Variants in RBFOX1 observed in about 807,000 individuals in gnomAD.
The protein encoded by RBFOX1 is RNA binding protein fox-1 homolog 1.
Under a neutral mutation model 57.7 loss-of-function variants are expected in RBFOX1, and 8 were observed. The ratio of observed to expected loss-of-function variants is 0.14; its 90% CI spans 0.08 to 0.25. The LOEUF (loss-of-function observed/expected upper bound fraction) is 0.25. Among genes scored for constraint, RBFOX1 ranks in the 10% least tolerant of loss-of-function variants. RBFOX1 has a pLI of 1.00. For missense variants in RBFOX1, 611 were observed against 548.5 expected, an observed-to-expected ratio of 1.11 and a Z score of -1.14; for synonymous variants, 326 against 222.4, an observed-to-expected ratio of 1.47 and a Z score of -4.15.
chr16:7,466,560 AG>A (rs2060563575), intron 4 of RBFOX1, among the ~76,000 whole-genome samples: 4 of 152,248 alleles, frequency 2.6e-5, no homozygotes, highest in African/African-American at 7.2e-5. Context: ...GAGCCTCCCC[AG>A]GAAGACAGGG....
intron 1 of RBFOX1, among the ~76,000 whole-genome samples, chr16:6,272,681 A>G (rs2075334956): frequency 6.6e-6 from 1 of 152,218 alleles, no homozygotes; most frequent in South Asian, 2.1e-4. Flanking sequence ...GTTCAAAAAC[A>G]AAACTTCTTA....
intron 12 of RBFOX1, among the ~76,000 whole-genome samples, chr16:7,658,017 T>C (rs533268368): frequency 1.9e-4 from 29 of 152,332 alleles, no homozygotes; most frequent in African/African-American, 6.7e-4. Context: ...AGACACAGTT[T>C]GCTTAAGCGA....
chr16:6,169,320 C>T (rs562078109), intron 1 of RBFOX1, among the ~76,000 whole-genome samples: 5 of 151,852 alleles, frequency 3.3e-5, no homozygotes, highest in East Asian at 3.9e-4. Context: ...TTTGTTATCA[C>T]GTTGGGGAAA....
intron 3 of RBFOX1, among the ~76,000 whole-genome samples, chr16:6,781,668 G>C (rs576578085): frequency 1.3e-5 from 2 of 151,976 alleles, no homozygotes; most frequent in Admixed American, 6.5e-5. Flanking sequence ...TTTATGTCCA[G>C]GAATTTATCC....
At chr16:6,863,913 G>C (rs1184202519) in intron 3 of RBFOX1, among the ~76,000 whole-genome samples, 3 of 150,398 alleles carry the variant, frequency 2.0e-5, no homozygotes, top group African/African-American at 7.3e-5. Context: ...ATTGCCATTT[G>C]TTTCCTTCAC....
chr16:7,403,733 A>C (rs1376703842), intron 4 of RBFOX1, among the ~76,000 whole-genome samples: 2 of 151,948 alleles, frequency 1.3e-5, no homozygotes, highest in South Asian at 4.2e-4. Flanking sequence ...TTTAGTAGAG[A>C]CAGGGTTTCA....
At chr16:7,579,532 C>G (rs914428750) in intron 5 of RBFOX1, among the ~76,000 whole-genome samples, 1 of 152,168 alleles carries the variant, frequency 6.6e-6, no homozygotes, top group African/African-American at 2.4e-5. Context: ...GAGAATGATG[C>G]TCCCTGAGGG....
intron 4 of RBFOX1, among the ~76,000 whole-genome samples, chr16:7,235,843 G>T (rs533483552): frequency 6.6e-6 from 1 of 152,188 alleles, no homozygotes; most frequent in African/African-American, 2.4e-5. Context: ...AGTTTTTACA[G>T]TTGAAGGCTA....
In RBFOX1 at chr16:6,896,387, T is replaced by A. The variant is rs547663505; in HGVS notation, c.-15-155670T>A. ...AATAATATGTATGTCTTTTTCTTTC[T>A]TTTTTTCTTTAAACTCATCAACCAT... On this transcript the variant is annotated intron_variant, in intron 3 of 15. Coordinates refer to ENST00000550418, the MANE Select transcript of RBFOX1 (RefSeq NM_018723.4). 2.8e-3 allele frequency among the ~76,000 whole-genome samples: 433 copies of A among 152,290 alleles called. 1 individual carries two copies. The highest frequency in any genetic ancestry group is 0.014 in the Middle Eastern group (4 of 294).
chr16:5,989,059 G>A (rs750093723), intron 4 of RBFOX1, among the ~76,000 whole-genome samples: 89 of 151,832 alleles, frequency 5.9e-4, no homozygotes, highest in Middle Eastern at 3.4e-3. Context: ...GGTGGCTCAC[G>A]CCTGTAATCC....
chr16:5,897,152 C>T (rs1051016514), intron 4 of RBFOX1, among the ~76,000 whole-genome samples: 5 of 151,920 alleles, frequency 3.3e-5, no homozygotes, highest in African/African-American at 1.2e-4. Flanking sequence ...TCTCCCGCCT[C>T]AGCCTCCCCA....
chr16:5,559,155 C>T (rs140505817), intron 2 of RBFOX1, among the ~76,000 whole-genome samples: 12 of 121,862 alleles, frequency 9.8e-5, no homozygotes, highest in South Asian at 5.3e-4. Context: ...GCTAGGAGAA[C>T]CCCCCCAGGC....
At chr16:6,742,352 T>C (rs1032830811) in intron 3 of RBFOX1, among the ~76,000 whole-genome samples, 12 of 152,192 alleles carry the variant, frequency 7.9e-5, no homozygotes, top group African/African-American at 2.7e-4. Context: ...CAAGGACGCA[T>C]AGAAAGTGTG....
chr16:7,450,510 C>T (rs1032234626), intron 4 of RBFOX1, among the ~76,000 whole-genome samples: 6 of 151,124 alleles, frequency 4.0e-5, no homozygotes, highest in Non-Finnish European at 7.4e-5. Flanking sequence ...TTGAAGATAA[C>T]GGCCCCCGAC....
chr16:7,556,224 C>T (rs998159109), intron 5 of RBFOX1, among the ~76,000 whole-genome samples: 2 of 152,136 alleles, frequency 1.3e-5, no homozygotes, highest in Non-Finnish European at 2.9e-5. Flanking sequence ...CATGACGCAG[C>T]TCTTCGGTCA....
At chr16:7,323,249 C>T (rs1272627097) in intron 4 of RBFOX1, among the ~76,000 whole-genome samples, 1 of 152,002 alleles carries the variant, frequency 6.6e-6, no homozygotes, top group Non-Finnish European at 1.5e-5. Context: ...ACAGCGAGAC[C>T]CCCATCTCTG....
chr16:7,426,278 C>T (rs1415047282), intron 4 of RBFOX1, among the ~76,000 whole-genome samples: 2 of 152,216 alleles, frequency 1.3e-5, no homozygotes, highest in South Asian at 2.1e-4. Flanking sequence ...CATCGTCTCC[C>T]CGCTTAATCC....
intron 1 of RBFOX1, among the ~76,000 whole-genome samples, chr16:6,280,741 C>G (rs957981619): frequency 2.6e-5 from 4 of 151,966 alleles, no homozygotes; most frequent in African/African-American, 7.3e-5. Flanking sequence ...TGTGTTTATA[C>G]CGGTCATTAC....
intron 3 of RBFOX1, among the ~76,000 whole-genome samples, chr16:6,790,369 G>C (rs925970800): frequency 1.3e-5 from 2 of 151,828 alleles, no homozygotes; most frequent in Non-Finnish European, 2.9e-5. Flanking sequence ...ATTTTTAGTA[G>C]AGATGGGGTT....
Sources: allele counts gnomAD v4.1 joint callset (sites outside exome capture counted in the v4.1 genomes callset), GRCh38; gene constraint gnomAD v4.1.1; transcripts MANE v1.5; gene names NCBI Gene and HGNC (gene_info 2026-07-23, HGNC 2026-07-21).